Variants in FAM83E observed in about 807,000 individuals in gnomAD.
FAM83E encodes protein FAM83E.
FAM83E carries 29 observed loss-of-function variants against 34.3 expected under a neutral mutation model. That is an observed-to-expected ratio of 0.85 (90% confidence interval 0.63 to 1.15). FAM83E has a LOEUF of 1.15. FAM83E is among the 50% of genes most tolerant of loss of function. FAM83E has a pLI of 0.00. For synonymous variants in FAM83E, 312 were observed against 311.6 expected (o/e 1.00, Z -0.01); for missense variants, 697 against 685.0 (o/e 1.02, Z -0.20).
In FAM83E at chr19:48,612,914, G is replaced by A. The variant is rs1286478422; in HGVS notation, c.459C>T (p.Ala153=). ...GGGCCCCCGCGACACCCACCTTGTG[G>A]GCAGCCTGGATCTCCAGCCGCACCA... ...KELVRLEIQA[A]HKLVAVVMDV... Residue 153 remains alanine (A), a synonymous_variant, in exon 3 of 7, where the codon GCC becomes GCT. Coordinates refer to ENST00000263266, the MANE Select transcript of FAM83E (RefSeq NM_017708.4). 1 of 1,542,856 alleles carries A rather than the reference G, an allele frequency of 6.5e-7. No homozygotes were observed. The highest frequency in any genetic ancestry group is 1.9e-5 in the Admixed American group (1 of 51,544).
rs780609567 is a variant in FAM83E at position 48,603,938 on chromosome 19, A to T, written c.759-27T>A. 1.3e-5 allele frequency: 20 copies of T among 1,585,048 alleles called. No individual in the cohort carries two copies. In the East Asian group the frequency reaches 4.8e-4, roughly 38 times the overall value. On this transcript the variant is annotated intron_variant, in intron 5 of 6. Transcript: ENST00000263266. ...TGGGGGTCGGGGAGTAGGGGGTCAGAGTCTCCAACCCTGAGGGCCCAGCCC... is the reference window on the plus strand; with the variant it reads ...TGGGGGTCGGGGAGTAGGGGGTCAGTGTCTCCAACCCTGAGGGCCCAGCCC...
chr19:48,609,474 C>T (rs1385351724), intron 5 of FAM83E, among the ~76,000 whole-genome samples: 3 of 151,784 alleles, frequency 2.0e-5, no homozygotes, highest in Non-Finnish European at 4.4e-5. Flanking sequence ...CCAATCTGCC[C>T]GCCTCAGCCT....
intron 5 of FAM83E, chr19:48,606,901 G>GA: frequency 6.6e-7 from 1 of 1,526,020 alleles, no homozygotes; most frequent in South Asian, 1.2e-5. Context: ...AGTCCTCAGA[G>GA]GTCCTTCATT....
rs570191011 is a variant in FAM83E, at chr19:48,600,268, C to G, written c.*841G>C. Among the ~76,000 whole-genome samples the G allele has an allele frequency of 8.5e-5, 13 of 152,344 alleles. No individual in the cohort carries two copies. Among genetic ancestry groups the G allele is most frequent in the Admixed American group, 7.8e-4 (12 of 15,298 alleles). ...GTGTGTCTTCTTTAGGATCCGCTGC[C>G]TGGGGACGCTGCCAGCCCATCTTCT... On this transcript the variant is annotated 3_prime_UTR_variant, in exon 7 of 7. Coordinates refer to ENST00000263266, the MANE Select transcript of FAM83E (RefSeq NM_017708.4).
chr19:48,607,460 G>C (rs924038310), intron 5 of FAM83E: 15 of 1,411,788 alleles, frequency 1.1e-5, no homozygotes, highest in Non-Finnish European at 1.4e-5. Flanking sequence ...ACAACCTCTT[G>C]CGGCCCTGGC....
chr19:48,610,630 C>G, intron 4 of FAM83E, 50 bp downstream of exon 4: 1 of 1,531,328 alleles, frequency 6.5e-7, no homozygotes, highest in South Asian at 1.2e-5. Context: ...CCCCACTGCC[C>G]CCATGCCAGG....
chr19:48,604,305 G>A (rs1014606624), intron 5 of FAM83E, among the ~76,000 whole-genome samples: 3 of 150,124 alleles, frequency 2.0e-5, no homozygotes, highest in African/African-American at 5.0e-5. Context: ...GAGGCGGGAG[G>A]ATCCCTTGAC....
Position 48,600,009 on chromosome 19 carries a change from C to T in FAM83E, c.*1100G>A, listed in dbSNP as rs1317705620. Among the ~76,000 whole-genome samples the T allele has an allele frequency of 1.3e-5, 2 of 152,180 alleles. No homozygotes were observed. Among genetic ancestry groups the T allele is most frequent in the African/African-American group, 2.4e-5 (1 of 41,434 alleles). On this transcript the variant is annotated 3_prime_UTR_variant, in exon 7 of 7. Transcript: ENST00000263266. ...TCCGAGCAGAGGTAAACGGGAGCTC[C>T]GGCAGACCCGCCCTCTCAGCGCCCA...
At position 48,609,921 on chromosome 19, in the gene FAM83E, T is replaced by C. The variant is rs753741594; in HGVS notation, c.713A>G (p.Lys238Arg). ...CCTCTCGCCGTCCAGCAGCACAAAC[T>C]TCTCCCGCACGGTGCCGCTCACCTG... ...RRQVSGTVRE[K>R]FVLLDGERVI... The change falls in exon 5 of 7, where the codon AAG (lysine) becomes AGG (arginine). Residue 238 changes from lysine (K) to arginine (R), a missense_variant. Lys to Arg is a conservative substitution (Grantham distance 26). Coordinates refer to ENST00000263266, the MANE Select transcript of FAM83E (RefSeq NM_017708.4). 11 of 1,612,950 alleles carry C rather than the reference T, an allele frequency of 6.8e-6. No homozygotes were observed. Among genetic ancestry groups the C allele is most frequent in the Middle Eastern group, 1.6e-4 (1 of 6,084 alleles).
chr19:48,614,358 G>A lies in FAM83E; in HGVS notation c.-986C>T. The A allele has an allele frequency of 1.0e-6, 1 of 985,438 alleles. No individual in the cohort carries two copies. The highest frequency in any genetic ancestry group is 1.2e-6 in the Non-Finnish European group (1 of 830,002). 61.0% of individuals were successfully genotyped at this position (985,438 alleles called of 1,614,324 possible). On this transcript the variant is annotated 5_prime_UTR_variant, in exon 3 of 7. Transcript: ENST00000263266. ...GGGCCTGGCCCTGGGACCTGTTCCA[G>A]GCCGTCCTCTGATCTGCGGGGAGCC... is the stretch of plus-strand genomic sequence containing the variant.
At chr19:48,603,236 C>A (rs534331619) in intron 6 of FAM83E, among the ~76,000 whole-genome samples, 3 of 152,148 alleles carry the variant, frequency 2.0e-5, no homozygotes, top group Admixed American at 1.3e-4. Flanking sequence ...GGCTTCCCCC[C>A]ACCTAGTCTG....
intron 5 of FAM83E, among the ~76,000 whole-genome samples, chr19:48,604,405 A>G (rs1443477548): frequency 7.2e-6 from 1 of 139,430 alleles, no homozygotes; most frequent in East Asian, 2.1e-4. Context: ...ATCTCGGCTC[A>G]CTGCAACCTC....
At chr19:48,609,796 A>G (rs1256019564) in intron 5 of FAM83E, 80 bp downstream of exon 5, 1 of 1,463,502 alleles carries the variant, frequency 6.8e-7, no homozygotes, top group Non-Finnish European at 9.5e-7. Flanking sequence ...GGGCAAGGGG[A>G]TGCCAGCTGT....
intron 5 of FAM83E, chr19:48,607,181 C>G: frequency 6.2e-7 from 1 of 1,613,208 alleles, no homozygotes; most frequent in Non-Finnish European, 8.5e-7. Context: ...TGCCTGCGAG[C>G]CACCAGCTGC....
intron 6 of FAM83E, among the ~76,000 whole-genome samples, chr19:48,603,258 T>C (rs1208767415): frequency 6.6e-6 from 1 of 152,042 alleles, no homozygotes; most frequent in African/African-American, 2.4e-5. Flanking sequence ...CATGCCAGGA[T>C]TTGCACCCAG....
intron 6 of FAM83E, among the ~76,000 whole-genome samples, chr19:48,603,120 T>C (rs1376525847): frequency 6.6e-6 from 1 of 151,938 alleles, no homozygotes. Context: ...TACTACTCTA[T>C]TTCATTTAGC....
At chr19:48,611,173 G>GTT (rs1023963245) in intron 3 of FAM83E, among the ~76,000 whole-genome samples, 11 of 142,620 alleles carry the variant, frequency 7.7e-5, no homozygotes, top group Non-Finnish European at 1.2e-4. Flanking sequence ...GTTTTTTGTT[G>GTT]TTTTTTTTTT....
intron 5 of FAM83E, among the ~76,000 whole-genome samples, chr19:48,605,312 C>T (rs1973908167): frequency 6.6e-6 from 1 of 152,090 alleles, no homozygotes; most frequent in Non-Finnish European, 1.5e-5. Context: ...GTGGCTCATG[C>T]CTGTAATCCC....
chr19:48,603,682 C>G lies in FAM83E; in HGVS notation c.988G>C (p.Gly330Arg). 1 of 1,293,072 alleles carries G rather than the reference C, an allele frequency of 7.7e-7. No individual in the cohort carries two copies. The highest frequency in any genetic ancestry group is 9.8e-7 in the Non-Finnish European group (1 of 1,017,716). The allele number at this position is 1,293,072 out of a possible 1,614,324, so 80.1% of individuals were successfully genotyped here. A position where few individuals can be genotyped will look rare whatever the true frequency, so the allele number is the denominator to read the frequency against. The stretch of plus-strand genomic sequence containing the variant: ...GCGGCCAGGCGGTGGGCCAGCGGGC[C>G]GTCAGGCGGCGGAGGCGACGCGGGG... Reference protein sequence around the residue: ...VAPASPPPPDGPLAHRLAACR... With the variant: ...VAPASPPPPDRPLAHRLAACR... The change falls in exon 6 of 7, where the codon GGC (glycine) becomes CGC (arginine). Residue 330 changes from glycine to arginine, a missense_variant. By Grantham distance (125) the Gly-to-Arg change is moderately radical. Coordinates refer to ENST00000263266, the MANE Select transcript of FAM83E (RefSeq NM_017708.4).
Sources: gnomAD v4.1 joint callset for allele counts (sites outside exome capture counted in the v4.1 genomes callset) on GRCh38, gnomAD v4.1.1 for gene constraint, MANE v1.5 for transcripts, NCBI Gene and HGNC (gene_info 2026-07-23, HGNC 2026-07-21) for gene names.